KLHL1: variants seen among roughly 807,000 people sequenced by gnomAD.
KLHL1 encodes kelch like family member 1, also known as kelch-like protein 1.
KLHL1 carries 47 observed loss-of-function variants against 77.7 expected under a neutral mutation model. The ratio of observed to expected loss-of-function variants is 0.60; its 90% CI spans 0.48 to 0.77. The LOEUF (loss-of-function observed/expected upper bound fraction) is 0.77. Among genes scored for constraint, KLHL1 ranks in the 30% least tolerant of loss-of-function variants. KLHL1 has a pLI of 0.00. For synonymous variants in KLHL1, 360 were observed against 325.2 expected, an observed-to-expected ratio of 1.11 and a Z score of -1.15; for missense variants, 925 against 910.8, an observed-to-expected ratio of 1.02 and a Z score of -0.20.
At chr13:69,821,886 GT>G (rs541949558) in intron 6 of KLHL1, among the ~76,000 whole-genome samples, 313 of 152,080 alleles carry the variant, frequency 2.1e-3, no homozygotes, top group Admixed American at 4.6e-3. Context: ...GATTTTTATA[GT>G]TTTGTTCACT....
chr13:69,923,326 T>G (rs117663104), intron 4 of KLHL1, among the ~76,000 whole-genome samples: 1,524 of 152,208 alleles, frequency 0.01, 12 homozygotes, highest in Middle Eastern at 0.044. Flanking sequence ...ATTTTGTAGC[T>G]TGGTGGAGGG....
intron 1 of KLHL1, among the ~76,000 whole-genome samples, chr13:70,050,826 C>T (rs1487029920): frequency 6.6e-6 from 1 of 151,886 alleles, no homozygotes; most frequent in Non-Finnish European, 1.5e-5. Flanking sequence ...ACTTGAGTGA[C>T]ACTTTACCAT....
At chr13:70,020,322 C>A (rs1885757809) in intron 1 of KLHL1, among the ~76,000 whole-genome samples, 1 of 152,094 alleles carries the variant, frequency 6.6e-6, no homozygotes, top group Non-Finnish European at 1.5e-5. Context: ...GTGAACCATG[C>A]TCAAAGAATT....
chr13:69,939,840 G>C (rs933292824), intron 4 of KLHL1, among the ~76,000 whole-genome samples, 200 bp downstream of exon 4: 1 of 151,900 alleles, frequency 6.6e-6, no homozygotes, highest in Non-Finnish European at 1.5e-5. Context: ...ATCCACAAAA[G>C]AACAATAAAT....
chr13:69,915,560 A>G (rs1383515246), intron 4 of KLHL1, among the ~76,000 whole-genome samples: 1 of 152,198 alleles, frequency 6.6e-6, no homozygotes. Flanking sequence ...CTGAAACTGG[A>G]TCCCTTCCTT....
At chr13:69,721,251 C>T (rs1873051140) in intron 8 of KLHL1, among the ~76,000 whole-genome samples, 1 of 145,984 alleles carries the variant, frequency 6.9e-6, no homozygotes, top group South Asian at 2.3e-4. Context: ...TACCTATGAC[C>T]TGGAAGCCCC....
chr13:69,832,385 A>G (rs1241520876), intron 6 of KLHL1, among the ~76,000 whole-genome samples: 3 of 149,888 alleles, frequency 2.0e-5, no homozygotes, highest in African/African-American at 7.5e-5. Context: ...ATTCAGGAAT[A>G]TACCTAAGCA....
At chr13:70,050,800 T>C (rs1189307676) in intron 1 of KLHL1, among the ~76,000 whole-genome samples, 1 of 152,034 alleles carries the variant, frequency 6.6e-6, no homozygotes, top group Non-Finnish European at 1.5e-5. Flanking sequence ...ATATTATTTG[T>C]CATATAATTG....
intron 7 of KLHL1, among the ~76,000 whole-genome samples, chr13:69,786,599 G>C (rs1219517037): frequency 2.0e-5 from 3 of 152,160 alleles, no homozygotes; most frequent in African/African-American, 4.8e-5. Flanking sequence ...ACTGGCACAA[G>C]ACAGGGATGC....
chr13:70,049,976 T>C (rs576137434), intron 1 of KLHL1, among the ~76,000 whole-genome samples: 31 of 151,978 alleles, frequency 2.0e-4, no homozygotes, highest in African/African-American at 3.9e-4. Flanking sequence ...ATCAGACTAA[T>C]AGATAATTTA....
At chr13:69,952,052 T>G (rs1392054201) in intron 3 of KLHL1, among the ~76,000 whole-genome samples, 2 of 151,450 alleles carry the variant, frequency 1.3e-5, no homozygotes, top group African/African-American at 4.8e-5. Flanking sequence ...GTGGAAAACT[T>G]AAGTTAAATA....
At chr13:70,092,019 A>C (rs974359581) in intron 1 of KLHL1, among the ~76,000 whole-genome samples, 9 of 152,230 alleles carry the variant, frequency 5.9e-5, no homozygotes, top group African/African-American at 1.9e-4. Flanking sequence ...TCCAGGTGAC[A>C]GCCAATAAGA....
chr13:69,845,657 T>C (rs193187584), intron 5 of KLHL1, among the ~76,000 whole-genome samples: 1 of 151,758 alleles, frequency 6.6e-6, no homozygotes, highest in East Asian at 1.9e-4. Context: ...AAAAATGAGA[T>C]ACTGTATTTC....
intron 1 of KLHL1, among the ~76,000 whole-genome samples, chr13:70,042,608 T>A (rs891174320): frequency 4.6e-5 from 7 of 152,172 alleles, no homozygotes; most frequent in African/African-American, 1.7e-4. Flanking sequence ...AAAATACAAT[T>A]CATACAATTA....
chr13:69,818,968 G>A (rs1267840289), intron 6 of KLHL1, among the ~76,000 whole-genome samples: 1 of 152,126 alleles, frequency 6.6e-6, no homozygotes, highest in Non-Finnish European at 1.5e-5. Context: ...ATTGCAAACG[G>A]TCAGGTTTCT....
At chr13:70,098,020 T>C (rs1695719191) in intron 1 of KLHL1, among the ~76,000 whole-genome samples, 1 of 151,896 alleles carries the variant, frequency 6.6e-6, no homozygotes, top group South Asian at 2.1e-4. Context: ...CTAACTAAAC[T>C]TGAAAATATT....
chr13:69,767,590 TC>T (rs1038800510), intron 7 of KLHL1, among the ~76,000 whole-genome samples: 7 of 152,164 alleles, frequency 4.6e-5, no homozygotes, highest in African/African-American at 1.7e-4. Context: ...AATCACTATA[TC>T]CAATCCTTAA....
chr13:69,967,553 T>G (rs774073233), intron 2 of KLHL1, among the ~76,000 whole-genome samples: 1 of 152,084 alleles, frequency 6.6e-6, no homozygotes, highest in Non-Finnish European at 1.5e-5. Flanking sequence ...CTGGTGAAAA[T>G]TCTGTGAAGA....
intron 3 of KLHL1, among the ~76,000 whole-genome samples, chr13:69,951,190 T>A (rs759766383): frequency 8.6e-5 from 13 of 151,514 alleles, no homozygotes; most frequent in Non-Finnish European, 1.8e-4. Flanking sequence ...TACACCATAA[T>A]TGTTTTGATT....
Sources: gnomAD v4.1 joint callset for allele counts (sites outside exome capture counted in the v4.1 genomes callset) on GRCh38, gnomAD v4.1.1 for gene constraint, MANE v1.5 for transcripts, NCBI Gene and HGNC (gene_info 2026-07-23, HGNC 2026-07-21) for gene names.